The following C8orf34 variants were observed in gnomAD, a reference collection of about 807,000 sequenced individuals.
C8orf34 encodes the protein uncharacterized protein C8orf34.
A neutral mutation model predicts 68.3 loss-of-function variants in C8orf34; 65 were observed. The observed-to-expected ratio is 0.95, with a 90% CI of 0.78 to 1.17. The LOEUF is 1.17. C8orf34 is among the 50% of genes most tolerant of loss of function. The probability of loss-of-function intolerance (pLI) is 0.00; values close to 1 mark genes in which losing one functional copy is unlikely to be tolerated. For synonymous variants in C8orf34, 244 were observed against 241.2 expected (o/e 1.01, Z -0.11); for missense variants, 664 against 655.4 (o/e 1.01, Z -0.14).
At chr8:68,776,521 C>A (rs1163972700) in intron 11 of C8orf34, 72 bp downstream of exon 11, 2 of 1,187,504 alleles carry the variant, frequency 1.7e-6, no homozygotes, top group African/African-American at 1.5e-5. Context: ...CTCACTTAGG[C>A]TTTCTCCATC....
intron 3 of C8orf34, among the ~76,000 whole-genome samples, chr8:68,459,886 T>C (rs1209759387): frequency 6.6e-6 from 1 of 152,158 alleles, no homozygotes; most frequent in African/African-American, 2.4e-5. Flanking sequence ...GATTTCTGCA[T>C]TTCCATCAGA....
chr8:68,603,317 T>G (rs1276424000), intron 7 of C8orf34, among the ~76,000 whole-genome samples: 5 of 152,192 alleles, frequency 3.3e-5, no homozygotes, highest in African/African-American at 9.6e-5. Flanking sequence ...CCCTGACAAC[T>G]AAACTTGCAC....
At chr8:68,518,292 C>G (rs1342637485) in intron 5 of C8orf34, among the ~76,000 whole-genome samples, 1 of 152,210 alleles carries the variant, frequency 6.6e-6, no homozygotes, top group East Asian at 1.9e-4. Flanking sequence ...GCTTCCTCTT[C>G]TCTGAACTAG....
At chr8:68,527,547 G>A (rs1176968258) in intron 6 of C8orf34, among the ~76,000 whole-genome samples, 2 of 152,140 alleles carry the variant, frequency 1.3e-5, no homozygotes, top group African/African-American at 4.8e-5. Flanking sequence ...ACTCCAGGCT[G>A]GGTGACAGAG....
chr8:68,607,818 G>C (rs2130541733), intron 7 of C8orf34, among the ~76,000 whole-genome samples: 1 of 152,258 alleles, frequency 6.6e-6, no homozygotes, highest in African/African-American at 2.4e-5. Context: ...ATGTCATTTA[G>C]AAGGTAGCAT....
At chr8:68,737,585 A>C (rs1822158285) in intron 10 of C8orf34, among the ~76,000 whole-genome samples, 1 of 152,038 alleles carries the variant, frequency 6.6e-6, no homozygotes, top group Admixed American at 6.6e-5. Flanking sequence ...AAATCTACCA[A>C]ACAAATGGAA....
At chr8:68,351,839 C>T (rs2129618574) in intron 1 of C8orf34, among the ~76,000 whole-genome samples, 1 of 152,208 alleles carries the variant, frequency 6.6e-6, no homozygotes, top group South Asian at 2.1e-4. Flanking sequence ...AGTCCTGTTG[C>T]TTCACATCCT....
chr8:68,555,897 A>G (rs1816235792), intron 7 of C8orf34, among the ~76,000 whole-genome samples: 1 of 152,112 alleles, frequency 6.6e-6, no homozygotes, highest in South Asian at 2.1e-4. Context: ...CTATTACCCT[A>G]GGTACCACTA....
At chr8:68,753,976 A>G (rs1822781439) in intron 10 of C8orf34, among the ~76,000 whole-genome samples, 2 of 152,180 alleles carry the variant, frequency 1.3e-5, no homozygotes, top group African/African-American at 4.8e-5. Flanking sequence ...TGCTCTAGTC[A>G]GGAGCAAGAA....
chr8:68,454,873 G>A (rs1424091355), intron 3 of C8orf34, among the ~76,000 whole-genome samples: 1 of 151,668 alleles, frequency 6.6e-6, no homozygotes, highest in African/African-American at 2.4e-5. Context: ...TTTATTAATG[G>A]GGACATTTAC....
At chr8:68,702,603 T>C (rs1585752517) in intron 8 of C8orf34, among the ~76,000 whole-genome samples, 1 of 152,260 alleles carries the variant, frequency 6.6e-6, no homozygotes, top group East Asian at 1.9e-4. Context: ...GTGTGTGCTT[T>C]TCCATGATAA....
intron 7 of C8orf34, among the ~76,000 whole-genome samples, chr8:68,618,456 C>T (rs960643980): frequency 2.0e-5 from 3 of 152,024 alleles, no homozygotes; most frequent in Non-Finnish European, 2.9e-5. Context: ...CTCAACAGAT[C>T]CTCCCACCTC....
chr8:68,576,861 T>TA (rs1214677591), intron 7 of C8orf34, among the ~76,000 whole-genome samples: 1 of 152,008 alleles, frequency 6.6e-6, no homozygotes, highest in Non-Finnish European at 1.5e-5. Flanking sequence ...TTTATTAATA[T>TA]AAAATAGCAT....
At chr8:68,362,587 C>T (rs1438246162) in intron 1 of C8orf34, among the ~76,000 whole-genome samples, 3 of 152,192 alleles carry the variant, frequency 2.0e-5, no homozygotes, top group Non-Finnish European at 4.4e-5. Context: ...AAGTGGGTCC[C>T]TGACCCCCGA....
intron 7 of C8orf34, among the ~76,000 whole-genome samples, chr8:68,546,174 T>A (rs1373757083): frequency 4.0e-5 from 6 of 151,890 alleles, no homozygotes; most frequent in Non-Finnish European, 8.8e-5. Flanking sequence ...CACAAAGCAG[T>A]TGGGGCAAAT....
chr8:68,591,883 A>G (rs1187856146), intron 7 of C8orf34, among the ~76,000 whole-genome samples: 1 of 152,184 alleles, frequency 6.6e-6, no homozygotes, highest in Non-Finnish European at 1.5e-5. Flanking sequence ...CAGATGCTGT[A>G]TAATTTCATG....
At chr8:68,747,180 AACAACACTTCATGCT>A (rs999885170) in intron 10 of C8orf34, among the ~76,000 whole-genome samples, 1 of 152,138 alleles carries the variant, frequency 6.6e-6, no homozygotes, top group Non-Finnish European at 1.5e-5. Flanking sequence ...GACAAAATTC[AACAACACTTCATGCT>A]AAAAACTCTC....
At chr8:68,749,471 A>C (rs910280845) in intron 10 of C8orf34, among the ~76,000 whole-genome samples, 12 of 152,208 alleles carry the variant, frequency 7.9e-5, no homozygotes, top group Non-Finnish European at 1.3e-4. Context: ...AATAAAATAA[A>C]ATTTACCCAT....
intron 12 of C8orf34, among the ~76,000 whole-genome samples, chr8:68,797,874 G>C (rs1306491066): frequency 6.6e-6 from 1 of 152,170 alleles, no homozygotes; most frequent in Non-Finnish European, 1.5e-5. Context: ...AAAAAAGTGA[G>C]ACAGGACTTT....
Sources: gnomAD v4.1 joint callset for allele counts (sites outside exome capture counted in the v4.1 genomes callset) on GRCh38, gnomAD v4.1.1 for gene constraint, MANE v1.5 for transcripts, NCBI Gene and HGNC (gene_info 2026-07-23, HGNC 2026-07-21) for gene names.